Variants in SDK1 observed in about 807,000 individuals in gnomAD.
SDK1 encodes the protein protein sidekick-1.
A neutral mutation model predicts 245.5 loss-of-function variants in SDK1; 157 were observed. The observed-to-expected ratio is 0.64, with a 90% CI of 0.56 to 0.73. The LOEUF (loss-of-function observed/expected upper bound fraction) is 0.73. Ranked by LOEUF, SDK1 falls within the 30% of genes least tolerant of loss-of-function variation. SDK1 has a pLI of 0.00. For synonymous variants in SDK1, 1,647 were observed against 1,278.5 expected (o/e 1.29, Z -6.15); for missense variants, 3,583 against 3,002.3 (o/e 1.19, Z -4.52).
At chr7:3,655,100 G>T (rs974506857) in intron 4 of SDK1, among the ~76,000 whole-genome samples, 6 of 148,424 alleles carry the variant, frequency 4.0e-5, no homozygotes, top group African/African-American at 1.5e-4. Context: ...TTTTGAAATG[G>T]CAATGATCAC....
chr7:3,467,977 G>T (rs201760765), intron 1 of SDK1, among the ~76,000 whole-genome samples: 1 of 72,706 alleles, frequency 1.4e-5, no homozygotes, highest in Non-Finnish European at 4.0e-5. Context: ...TTGTTGTCAT[G>T]TTTTTTTAAT....
chr7:4,243,707 C>A (rs7793224), intron 43 of SDK1, among the ~76,000 whole-genome samples: 1 of 152,102 alleles, frequency 6.6e-6, no homozygotes, highest in African/African-American at 2.4e-5. Flanking sequence ...GTCCCTCCCA[C>A]GTCACATGGG....
chr7:3,629,805 G>A (rs1782235556), intron 2 of SDK1, among the ~76,000 whole-genome samples: 2 of 152,158 alleles, frequency 1.3e-5, no homozygotes, highest in Admixed American at 1.3e-4. Flanking sequence ...GCAGATGCAG[G>A]AAAGCATGAC....
chr7:3,952,440 G>T (rs922305823), intron 7 of SDK1, among the ~76,000 whole-genome samples: 1 of 152,126 alleles, frequency 6.6e-6, no homozygotes, highest in Non-Finnish European at 1.5e-5. Context: ...AACATCAGCT[G>T]GGCGCAGTGG....
intron 4 of SDK1, among the ~76,000 whole-genome samples, chr7:3,659,754 C>G (rs536408132): frequency 1.3e-5 from 2 of 152,160 alleles, no homozygotes; most frequent in African/African-American, 4.8e-5. Flanking sequence ...GGAGAGAATA[C>G]GTAGGAAGCT....
chr7:3,326,241 T>A (rs1470185110), intron 1 of SDK1, among the ~76,000 whole-genome samples: 1 of 152,160 alleles, frequency 6.6e-6, no homozygotes, highest in Admixed American at 6.5e-5. Flanking sequence ...GGTGAACATG[T>A]TTCTAGAAAT....
chr7:4,068,269 A>T (rs939777747), intron 20 of SDK1, among the ~76,000 whole-genome samples: 4 of 152,224 alleles, frequency 2.6e-5, no homozygotes, highest in African/African-American at 9.6e-5. Flanking sequence ...GTCTTGCTTA[A>T]TTCTCATAGC....
chr7:4,074,905 TA>T (rs1562770656), intron 20 of SDK1, among the ~76,000 whole-genome samples: 50 of 88,074 alleles, frequency 5.7e-4, no homozygotes, highest in Admixed American at 1.1e-3. Context: ...TATATATATA[TA>T]TATATATATA....
intron 1 of SDK1, among the ~76,000 whole-genome samples, chr7:3,488,933 G>A (rs1781785468): frequency 6.8e-6 from 1 of 147,244 alleles, no homozygotes; most frequent in African/African-American, 2.5e-5. Flanking sequence ...GTGTGTGTGT[G>A]TGTCATTCAC....
intron 5 of SDK1, among the ~76,000 whole-genome samples, chr7:3,907,131 G>T (rs1020633246): frequency 2.6e-5 from 4 of 151,970 alleles, no homozygotes. Context: ...TTATTATGAA[G>T]ATTTGTCTCT....
At chr7:3,338,336 T>C (rs1181325512) in intron 1 of SDK1, 2 of 506,328 alleles carry the variant, frequency 4.0e-6, no homozygotes, top group East Asian at 4.7e-5. Flanking sequence ...CTCAGCATGC[T>C]GTTGGCATTG....
chr7:4,092,416 A>C (rs1343694341), intron 22 of SDK1, among the ~76,000 whole-genome samples: 1 of 152,150 alleles, frequency 6.6e-6, no homozygotes, highest in Non-Finnish European at 1.5e-5. Context: ...AGAGGCACCC[A>C]TGAAGCCCAG....
intron 4 of SDK1, among the ~76,000 whole-genome samples, chr7:3,760,117 A>C (rs1365469848): frequency 6.6e-6 from 1 of 152,130 alleles, no homozygotes; most frequent in Non-Finnish European, 1.5e-5. Context: ...AAACATGGAA[A>C]ATTCCTCCAT....
intron 5 of SDK1, among the ~76,000 whole-genome samples, chr7:3,824,852 A>G (rs890635472): frequency 2.0e-5 from 3 of 152,144 alleles, no homozygotes; most frequent in African/African-American, 7.2e-5. Context: ...TGTTTAGTGC[A>G]TATTTAGTAG....
chr7:3,846,622 C>A (rs41871), intron 5 of SDK1, among the ~76,000 whole-genome samples: 1 of 152,050 alleles, frequency 6.6e-6, no homozygotes, highest in Non-Finnish European at 1.5e-5. Context: ...TTATTTACCT[C>A]CCTCCTGTCC....
chr7:3,465,395 A>T (rs946925044), intron 1 of SDK1, among the ~76,000 whole-genome samples: 4 of 152,228 alleles, frequency 2.6e-5, no homozygotes, highest in African/African-American at 9.6e-5. Flanking sequence ...TATGAAACAT[A>T]ATGAGTAACG....
intron 12 of SDK1, among the ~76,000 whole-genome samples, chr7:3,972,596 C>G (rs563874883): frequency 9.8e-5 from 15 of 152,288 alleles, no homozygotes; most frequent in Admixed American, 2.0e-4. Context: ...CAGAGTATTT[C>G]CACTCTGGCC....
chr7:4,036,350 A>G lies in SDK1; in HGVS notation c.2603-12998A>G, dbSNP rs572406354. On this transcript the variant is annotated intron_variant, in intron 17 of 44. Coordinates refer to ENST00000404826, the MANE Select transcript of SDK1 (RefSeq NM_152744.4). ...AATGAATGGTTTTGTGATCGTGTAA[A>G]TGGATTTGGAATCTGATCAAATGTT... Among the ~76,000 whole-genome samples, 4 of 152,290 alleles carry G rather than the reference A, an allele frequency of 2.6e-5. No individual in the cohort carries two copies. In the South Asian group the frequency reaches 8.3e-4, roughly 32 times the overall value.
chr7:3,368,103 A>G (rs1289365402), intron 1 of SDK1, among the ~76,000 whole-genome samples: 1 of 152,222 alleles, frequency 6.6e-6, no homozygotes, highest in Non-Finnish European at 1.5e-5. Context: ...TTTTGTAAGT[A>G]TATTATTGAC....
Sources: gnomAD v4.1 joint callset for allele counts (sites outside exome capture counted in the v4.1 genomes callset) on GRCh38, gnomAD v4.1.1 for gene constraint, MANE v1.5 for transcripts, NCBI Gene and HGNC (gene_info 2026-07-23, HGNC 2026-07-21) for gene names.